OPCML: variants seen among roughly 807,000 people sequenced by gnomAD.
OPCML encodes the protein opioid binding protein/cell adhesion molecule like, also known as opioid-binding protein/cell adhesion molecule.
OPCML carries 13 observed loss-of-function variants against 37.8 expected under a neutral mutation model. The ratio of observed to expected loss-of-function variants is 0.34; its 90% CI spans 0.22 to 0.55. The LOEUF is 0.55. OPCML is among the 20% of genes least tolerant of loss of function. OPCML has a pLI of 0.91. For missense variants in OPCML, 341 were observed against 435.6 expected (o/e 0.78, Z 1.93); for synonymous variants, 176 against 168.8 (o/e 1.04, Z -0.33).
chr11:133,011,514 C>T (rs1277594582), intron 1 of OPCML, among the ~76,000 whole-genome samples: 1 of 152,158 alleles, frequency 6.6e-6, no homozygotes, highest in Non-Finnish European at 1.5e-5. Flanking sequence ...TGCTATAAAA[C>T]TCCAGAAGGC....
At chr11:132,693,565 G>T (rs1943486314) in intron 2 of OPCML, among the ~76,000 whole-genome samples, 1 of 152,176 alleles carries the variant, frequency 6.6e-6, no homozygotes, top group Admixed American at 6.5e-5. Context: ...TCAGCTTAAG[G>T]ATGATGAAGC....
At chr11:133,102,649 C>G (rs998577181) in intron 1 of OPCML, among the ~76,000 whole-genome samples, 2 of 152,068 alleles carry the variant, frequency 1.3e-5, no homozygotes, top group African/African-American at 2.4e-5. Context: ...ACTCAGGAGG[C>G]TGAGGCAGGA....
intron 1 of OPCML, among the ~76,000 whole-genome samples, chr11:133,060,514 C>A (rs751069290): frequency 3.3e-5 from 5 of 152,214 alleles, no homozygotes; most frequent in African/African-American, 9.6e-5. Context: ...ACGCTCAGGA[C>A]AAAGTCACCC....
chr11:133,395,360 CTGT>C (rs1235793947), intron 1 of OPCML, among the ~76,000 whole-genome samples: 2 of 151,916 alleles, frequency 1.3e-5, no homozygotes. Flanking sequence ...TTTGCTGTTG[CTGT>C]TGTTGTTGTT....
intron 4 of OPCML, 158 bp from the exon 5 acceptor site, chr11:132,437,517 G>C (rs150475822): frequency 8.3e-5 from 81 of 980,388 alleles, no homozygotes; most frequent in Non-Finnish European, 9.8e-5. Flanking sequence ...TTGCTCAAAA[G>C]ATACGGCAAA....
At chr11:132,876,164 T>C (rs1943001549) in intron 2 of OPCML, among the ~76,000 whole-genome samples, 1 of 152,224 alleles carries the variant, frequency 6.6e-6, no homozygotes, top group Middle Eastern at 3.2e-3. Flanking sequence ...AAAAAATTCA[T>C]ACTGGTTTCA....
intron 1 of OPCML, among the ~76,000 whole-genome samples, chr11:132,945,069 A>G (rs1945716166): frequency 6.6e-6 from 1 of 152,248 alleles, no homozygotes; most frequent in South Asian, 2.1e-4. Flanking sequence ...GGGTTAGCCC[A>G]CATATATGTG....
intron 2 of OPCML, among the ~76,000 whole-genome samples, chr11:132,926,830 G>A (rs147122999): frequency 1.7e-3 from 264 of 151,890 alleles, no homozygotes; most frequent in African/African-American, 6.0e-3. Context: ...ATAATAAAAA[G>A]TAATCATGAA....
Position 133,374,540 on chromosome 11 carries a change from C to T in OPCML, c.61+157724G>A, listed in dbSNP as rs553478440. Among the ~76,000 whole-genome samples, 3 of 152,318 alleles carry T rather than the reference C, an allele frequency of 2.0e-5. No homozygotes were observed. In the South Asian group the frequency reaches 6.2e-4, roughly 32 times the overall value. Reference sequence around the variant, plus strand: ...ATGCTGTGGGGAGCATTCTTGTCAACTGGTGAAATTTTCTCCTTAGAATGA... The same window carrying T: ...ATGCTGTGGGGAGCATTCTTGTCAATTGGTGAAATTTTCTCCTTAGAATGA... On this transcript the variant is annotated intron_variant, in intron 1 of 7. Coordinates refer to ENST00000524381, the MANE Select transcript of OPCML (RefSeq NM_001012393.5).
chr11:132,440,410 T>C (rs1039804110), intron 4 of OPCML, among the ~76,000 whole-genome samples: 1 of 151,686 alleles, frequency 6.6e-6, no homozygotes, highest in African/African-American at 2.4e-5. Context: ...TTCTGACACA[T>C]GCCCAGGGGC....
intron 3 of OPCML, among the ~76,000 whole-genome samples, chr11:132,589,777 G>C (rs749382429): frequency 1.3e-5 from 2 of 152,196 alleles, no homozygotes; most frequent in Non-Finnish European, 2.9e-5. Context: ...GAAAAGTGGA[G>C]CAAGATGAAT....
chr11:132,435,314 C>G (rs1431312692), intron 7 of OPCML: 1 of 1,133,696 alleles, frequency 8.8e-7, no homozygotes, highest in Non-Finnish European at 1.2e-6. Flanking sequence ...CTGAGGTGCA[C>G]GTGGAAACGT....
chr11:132,764,033 T>C (rs542122677), intron 2 of OPCML, among the ~76,000 whole-genome samples: 5 of 152,352 alleles, frequency 3.3e-5, no homozygotes, highest in Admixed American at 6.5e-5. Context: ...AGTCACCTTA[T>C]GGAAATTTAA....
intron 1 of OPCML, among the ~76,000 whole-genome samples, chr11:133,417,102 A>G (rs758271964): frequency 8.3e-4 from 126 of 152,316 alleles, no homozygotes; most frequent in Non-Finnish European, 1.5e-3. Context: ...TGCTCTATCA[A>G]TCTGGTCTGT....
At chr11:133,449,844 G>A (rs1170491723) in intron 1 of OPCML, among the ~76,000 whole-genome samples, 1 of 151,578 alleles carries the variant, frequency 6.6e-6, no homozygotes, top group Non-Finnish European at 1.5e-5. Context: ...ATTTTGTCGG[G>A]GGGCCACAAT....
At position 133,042,562 on chromosome 11, in the gene OPCML, T is replaced by C. The variant is rs3935089; in HGVS notation, c.62-99552A>G. ...CTCCCAATAGGCTAGTTGGGGGGACTCTAATCCCAAACACAGTTCCCACAC... is the reference window on the plus strand; with the variant it reads ...CTCCCAATAGGCTAGTTGGGGGGACCCTAATCCCAAACACAGTTCCCACAC... On this transcript the variant is annotated intron_variant, in intron 1 of 7. Coordinates refer to ENST00000524381, the MANE Select transcript of OPCML (RefSeq NM_001012393.5). 6.6e-4 allele frequency among the ~76,000 whole-genome samples: 100 copies of C among 152,280 alleles called. 5 individuals carry two copies. In the South Asian group the frequency reaches 0.02, roughly 31 times the overall value.
At chr11:132,463,539 A>G (rs1296211452) in intron 4 of OPCML, among the ~76,000 whole-genome samples, 1 of 152,220 alleles carries the variant, frequency 6.6e-6, no homozygotes, top group Non-Finnish European at 1.5e-5. Context: ...CACGTGCATC[A>G]TCACCCTTGA....
At chr11:132,488,426 G>A (rs2096206536) in intron 4 of OPCML, among the ~76,000 whole-genome samples, 1 of 152,148 alleles carries the variant, frequency 6.6e-6, no homozygotes, top group Non-Finnish European at 1.5e-5. Context: ...TAGGCTAGAT[G>A]GTATAGCCTA....
intron 1 of OPCML, among the ~76,000 whole-genome samples, chr11:132,977,099 G>A (rs1055286327): frequency 6.6e-6 from 1 of 152,182 alleles, no homozygotes; most frequent in Non-Finnish European, 1.5e-5. Flanking sequence ...ATAGAAGTGG[G>A]ATCATCATCT....
Sources: gnomAD v4.1 joint callset for allele counts (sites outside exome capture counted in the v4.1 genomes callset) on GRCh38, gnomAD v4.1.1 for gene constraint, MANE v1.5 for transcripts, NCBI Gene and HGNC (gene_info 2026-07-23, HGNC 2026-07-21) for gene names.